The following ZBTB20 variants were observed in gnomAD, a reference collection of about 807,000 sequenced individuals.
ZBTB20 encodes zinc finger and BTB domain containing 20.
A neutral mutation model predicts 56.9 loss-of-function variants in ZBTB20; 9 were observed. The observed-to-expected ratio is 0.16, with a 90% CI of 0.10 to 0.28. ZBTB20 has a LOEUF of 0.28. ZBTB20 is among the 10% of genes least tolerant of loss of function. ZBTB20 has a pLI of 1.00. For missense variants in ZBTB20, 655 were observed against 1,003.0 expected (o/e 0.65, Z 4.69); for synonymous variants, 417 against 420.7 (o/e 0.99, Z 0.11).
intron 6 of ZBTB20, among the ~76,000 whole-genome samples, chr3:114,527,760 A>T (rs11708731): frequency 0.047 from 7,204 of 152,268 alleles, 246 homozygotes; most frequent in Middle Eastern, 0.15. Context: ...AATTGTTTTG[A>T]AAAAGAGAAT....
chr3:114,995,366 A>G (rs570780631), intron 2 of ZBTB20, among the ~76,000 whole-genome samples: 2 of 151,962 alleles, frequency 1.3e-5, no homozygotes, highest in African/African-American at 4.8e-5. Flanking sequence ...AATGACAAGC[A>G]TTGTGAGTTT....
chr3:114,629,668 TATC>T (rs1330101995), intron 6 of ZBTB20, among the ~76,000 whole-genome samples: 1 of 152,122 alleles, frequency 6.6e-6, no homozygotes, highest in Admixed American at 6.6e-5. Context: ...AAAGATGACT[TATC>T]ATATTTATCT....
intron 5 of ZBTB20, among the ~76,000 whole-genome samples, chr3:114,702,280 C>G (rs1231674610): frequency 3.3e-5 from 5 of 152,070 alleles, no homozygotes; most frequent in Non-Finnish European, 5.9e-5. Context: ...CCCAGGAGAC[C>G]GAGGCTGCAG....
At chr3:114,349,170 A>G (rs1213575707) in intron 11 of ZBTB20, among the ~76,000 whole-genome samples, 1 of 148,554 alleles carries the variant, frequency 6.7e-6, no homozygotes, top group African/African-American at 2.5e-5. Flanking sequence ...ACTGCACTCC[A>G]GCCTGGGCGA....
chr3:114,929,897 T>C (rs942493492), intron 3 of ZBTB20, among the ~76,000 whole-genome samples: 2 of 152,222 alleles, frequency 1.3e-5, no homozygotes, highest in African/African-American at 2.4e-5. Context: ...TAATTTACGA[T>C]TCACAAAATT....
chr3:114,382,884 C>T (rs1480761723), intron 8 of ZBTB20, among the ~76,000 whole-genome samples: 4 of 152,112 alleles, frequency 2.6e-5, no homozygotes, highest in Admixed American at 6.5e-5. Flanking sequence ...ATGATGTACC[C>T]ATGATGTGCC....
In ZBTB20 at chr3:114,682,877, T is replaced by C. The variant is rs1307819685; in HGVS notation, c.-295+10651A>G. ...AGATGGGATATATATCTCTGTCTCT[T>C]GGCTTTGAGCTTGGTTAAGTGACTT... On this transcript the variant is annotated intron_variant, in intron 6 of 11. Coordinates refer to ENST00000675478, the MANE Select transcript of ZBTB20 (RefSeq NM_001348800.3). Among the ~76,000 whole-genome samples, 3 of 152,228 alleles carry C rather than the reference T, an allele frequency of 2.0e-5. No homozygotes were observed. In the East Asian group the frequency reaches 5.8e-4, roughly 29 times the overall value.
intron 5 of ZBTB20, among the ~76,000 whole-genome samples, chr3:114,779,724 T>C (rs1578833236): frequency 6.6e-6 from 1 of 152,288 alleles, no homozygotes; most frequent in Admixed American, 6.5e-5. Flanking sequence ...TTGAGATAAA[T>C]GGGACTTTAA....
At chr3:114,448,799 G>GC (rs2091428774) in intron 7 of ZBTB20, among the ~76,000 whole-genome samples, 1 of 152,056 alleles carries the variant, frequency 6.6e-6, no homozygotes, top group South Asian at 2.1e-4. Flanking sequence ...TTGGATGAAA[G>GC]CAATAGTTCA....
chr3:114,611,117 A>G (rs1440121403), intron 6 of ZBTB20, among the ~76,000 whole-genome samples: 1 of 152,120 alleles, frequency 6.6e-6, no homozygotes, highest in Non-Finnish European at 1.5e-5. Context: ...ATATAACATG[A>G]GTCTGGGATG....
chr3:114,677,569 A>G (rs11718632), intron 6 of ZBTB20, among the ~76,000 whole-genome samples: 2 of 152,134 alleles, frequency 1.3e-5, no homozygotes, highest in African/African-American at 4.8e-5. Flanking sequence ...CCATCCCCAC[A>G]CCTCCAGTCC....
At chr3:114,501,245 T>A (rs1434888999) in intron 6 of ZBTB20, among the ~76,000 whole-genome samples, 3 of 152,214 alleles carry the variant, frequency 2.0e-5, no homozygotes, top group Non-Finnish European at 4.4e-5. Flanking sequence ...AAATTTCAGA[T>A]GAAATGATGA....
chr3:115,145,724 A>G (rs11921118), intron 1 of ZBTB20, among the ~76,000 whole-genome samples: 29,544 of 152,118 alleles, frequency 0.19, 4,390 homozygotes, highest in African/African-American at 0.41. Flanking sequence ...ATTTCCACAA[A>G]ATAGCAAAGG....
At chr3:114,790,782 T>C (rs1225189996) in intron 5 of ZBTB20, among the ~76,000 whole-genome samples, 1 of 151,928 alleles carries the variant, frequency 6.6e-6, no homozygotes, top group Non-Finnish European at 1.5e-5. Context: ...TAAGTTTTTT[T>C]TTTTTTTAAT....
Position 114,325,729 on chromosome 3 carries a change from T to C in ZBTB20, c.*13276A>G, listed in dbSNP as rs1168175779. ...TCTTTGTTTTTCTCTGTTCACTTAA[T>C]TGAAATTGCAATTATTTTAAAGATT... On this transcript the variant is annotated 3_prime_UTR_variant, in exon 12 of 12. Coordinates refer to ENST00000675478, the MANE Select transcript of ZBTB20 (RefSeq NM_001348800.3). 6.6e-6 allele frequency: 1 copy of C among 152,172 alleles called. No individual in the cohort carries two copies. Among genetic ancestry groups the C allele is most frequent in the African/African-American group, 2.4e-5 (1 of 41,440 alleles). The allele number at this position is 152,172 out of a possible 1,614,324, so 9.4% of individuals were successfully genotyped here. A position where few individuals can be genotyped will look rare whatever the true frequency, so the allele number is the denominator to read the frequency against.
intron 5 of ZBTB20, among the ~76,000 whole-genome samples, chr3:114,713,718 C>A (rs4682163): frequency 6.6e-6 from 1 of 152,150 alleles, no homozygotes; most frequent in Non-Finnish European, 1.5e-5. Flanking sequence ...TCTGGTCAGT[C>A]TCAGTAACTA....
chr3:114,808,664 T>C (rs2072297195), intron 4 of ZBTB20, among the ~76,000 whole-genome samples: 1 of 152,014 alleles, frequency 6.6e-6, no homozygotes, highest in Non-Finnish European at 1.5e-5. Flanking sequence ...TTATTTTCAT[T>C]ATCTATTTCA....
At chr3:114,958,048 C>T (rs2077310246) in intron 3 of ZBTB20, among the ~76,000 whole-genome samples, 1 of 152,206 alleles carries the variant, frequency 6.6e-6, no homozygotes, top group Non-Finnish European at 1.5e-5. Flanking sequence ...ATGAACTCAT[C>T]TCCATTTGAG....
In ZBTB20 at chr3:114,316,501, A is replaced by G. The variant is rs369217025; in HGVS notation, c.*22504T>C. 1.5e-5 allele frequency: 8 copies of G among 525,176 alleles called. No homozygotes were observed. The highest frequency in any genetic ancestry group is 1.2e-5 in the Non-Finnish European group (3 of 256,170). The allele number at this position is 525,176 out of a possible 1,614,324, so 32.5% of individuals were successfully genotyped here. ...ATATACACACCTATACATGTATAAT[A>G]TATACACTATATATATGTGGATACA... On this transcript the variant is annotated 3_prime_UTR_variant, in exon 12 of 12. Coordinates refer to ENST00000675478, the MANE Select transcript of ZBTB20 (RefSeq NM_001348800.3).
Sources: allele counts gnomAD v4.1 joint callset (sites outside exome capture counted in the v4.1 genomes callset), GRCh38; gene constraint gnomAD v4.1.1; transcripts MANE v1.5; gene names NCBI Gene and HGNC (gene_info 2026-07-23, HGNC 2026-07-21).